The following COL16A1 variants were observed in gnomAD, a reference collection of about 807,000 sequenced individuals.
The protein encoded by COL16A1 is collagen type XVI alpha 1 chain.
Under a neutral mutation model 266.3 loss-of-function variants are expected in COL16A1, and 189 were observed. That is an observed-to-expected ratio of 0.71 (90% CI 0.63 to 0.80). COL16A1 has a LOEUF of 0.80. Ranked by LOEUF, COL16A1 falls within the 30% of genes least tolerant of loss-of-function variation. The pLI, the probability that COL16A1 is intolerant of heterozygous loss-of-function variation, is 0.00. For synonymous variants in COL16A1, 740 were observed against 782.3 expected, an observed-to-expected ratio of 0.95 and a Z score of 0.90; for missense variants, 1,928 against 2,122.4, an observed-to-expected ratio of 0.91 and a Z score of 1.80.
intron 61 of COL16A1, among the ~76,000 whole-genome samples, 173 bp from the exon 62 acceptor site, chr1:31,660,811 G>A (rs907801276): frequency 2.6e-5 from 4 of 152,256 alleles, no homozygotes; most frequent in Non-Finnish European, 4.4e-5. Flanking sequence ...TAGAGAAGGC[G>A]GATCCTCAGC....
chr1:31,671,710 C>A, intron 47 of COL16A1, 51 bp from the exon 48 acceptor site: 2 of 1,610,556 alleles, frequency 1.2e-6, no homozygotes, highest in Non-Finnish European at 1.7e-6. Context: ...CCCCATAGAG[C>A]CCCTGGGATT....
In COL16A1 at chr1:31,668,894, G is replaced by T; in HGVS notation, c.3196-39C>A. ...ATCATGAGAAACTGCAGGAGCCGGCGGTCCCCACCCAGCCCCTGACTCCTT... is the reference window on the plus strand; with the variant it reads ...ATCATGAGAAACTGCAGGAGCCGGCTGTCCCCACCCAGCCCCTGACTCCTT... On this transcript the variant is annotated intron_variant, in intron 49 of 70. Coordinates refer to ENST00000373672, the MANE Select transcript of COL16A1 (RefSeq NM_001856.4). This position sits in a 1 kb window ranked among gnomAD's most constrained non-coding sequence, Gnocchi z 5.8. 1 of 1,592,182 alleles carries T rather than the reference G, an allele frequency of 6.3e-7. No homozygotes were observed. Among genetic ancestry groups the T allele is most frequent in the Admixed American group, 1.7e-5 (1 of 59,040 alleles).
At chr1:31,673,171 G>C (rs543154813) in intron 44 of COL16A1, 1 of 393,222 alleles carries the variant, frequency 2.5e-6, no homozygotes, top group African/African-American at 2.1e-5. Flanking sequence ...CACCCACTGC[G>C]AGGACAAGCC....
At chr1:31,680,684 G>A (rs910096439) in intron 39 of COL16A1, among the ~76,000 whole-genome samples, 7 of 152,154 alleles carry the variant, frequency 4.6e-5, no homozygotes, top group African/African-American at 1.2e-4. Flanking sequence ...CTGGGGATAC[G>A]TGGAGCCCCT....
chr1:31,679,506 G>T, intron 42 of COL16A1, 126 bp downstream of exon 42: 9 of 1,613,884 alleles, frequency 5.6e-6, no homozygotes, highest in Non-Finnish European at 7.6e-6. Flanking sequence ...GTAAACAGAG[G>T]AGTGAGAAAT....
Position 31,691,059 on chromosome 1 carries a change from C to G in COL16A1, c.1437+129G>C, listed in dbSNP as rs1485439206. On this transcript the variant is annotated intron_variant, in intron 20 of 70. Transcript: ENST00000373672. ...AGGGGCCTGGCCAAGCCGAGCCCAG[C>G]CTCCTCCTCCAAAGGCCCGGCCTCC... 13 of 1,441,022 alleles carry G rather than the reference C, an allele frequency of 9.0e-6. No individual in the cohort carries two copies. In the Admixed American group the frequency reaches 2.9e-4, roughly 32 times the overall value. The allele number at this position is 1,441,022 out of a possible 1,614,324, so 89.3% of individuals were successfully genotyped here.
At chr1:31,684,782 A>T in intron 30 of COL16A1, 39 bp downstream of exon 30, 1 of 1,613,898 alleles carries the variant, frequency 6.2e-7, no homozygotes, top group Non-Finnish European at 8.5e-7. Context: ...ATCTGAGATG[A>T]TGCCATGCCC....
Position 31,685,329 on chromosome 1 carries a change from A to C in COL16A1, c.2016+310T>G, listed in dbSNP as rs367964895. On this transcript the variant is annotated intron_variant, in intron 29 of 70. Coordinates refer to ENST00000373672, the MANE Select transcript of COL16A1 (RefSeq NM_001856.4). This position sits in a 1 kb window ranked among gnomAD's most constrained non-coding sequence, Gnocchi z 4.0. Reference sequence around the variant, plus strand: ...TTACTAGGCTTTACTCTGTGCAGGAAACAGAGGTGGAGAGAAGGTGACTTG... The same window carrying C: ...TTACTAGGCTTTACTCTGTGCAGGACACAGAGGTGGAGAGAAGGTGACTTG... Among the ~76,000 whole-genome samples the C allele has an allele frequency of 2.0e-5, 3 of 152,230 alleles. No homozygotes were observed. The highest frequency in any genetic ancestry group is 7.2e-5 in the African/African-American group (3 of 41,454).
chr1:31,662,827 C>T (rs889531269), intron 56 of COL16A1, 169 bp from the exon 57 acceptor site: 14 of 655,988 alleles, frequency 2.1e-5, no homozygotes, highest in South Asian at 3.9e-5. Context: ...TGCCACACGT[C>T]GCCTCCCCAG....
Position 31,697,472 on chromosome 1 carries a change from G to T in COL16A1, c.658-172C>A, listed in dbSNP as rs1011357973. ...GTCACCAAAGGCAGAACAAAACTGCGCACACAGGAACGAGGGAGAGGAGGC... is the reference window on the plus strand; with the variant it reads ...GTCACCAAAGGCAGAACAAAACTGCTCACACAGGAACGAGGGAGAGGAGGC... On this transcript the variant is annotated intron_variant, in intron 6 of 70. Transcript: ENST00000373672. This position sits in a 1 kb window ranked among gnomAD's most constrained non-coding sequence, Gnocchi z 4.2. Among the ~76,000 whole-genome samples, 1 of 152,186 alleles carries T rather than the reference G, an allele frequency of 6.6e-6. No individual in the cohort carries two copies. Among genetic ancestry groups the T allele is most frequent in the Non-Finnish European group, 1.5e-5 (1 of 68,030 alleles).
At chr1:31,672,907 GC>G in intron 44 of COL16A1, 67 bp from the exon 45 acceptor site, 2 of 1,460,810 alleles carry the variant, frequency 1.4e-6, no homozygotes, top group East Asian at 2.4e-5. Flanking sequence ...CAACTGGGGA[GC>G]CCCAGTGAGA....
intron 12 of COL16A1, among the ~76,000 whole-genome samples, chr1:31,693,619 C>T (rs552014371): frequency 5.9e-5 from 9 of 152,302 alleles, no homozygotes; most frequent in South Asian, 2.1e-4. Flanking sequence ...ACGGTATTGA[C>T]GAGCACACAC....
At position 31,694,145 on chromosome 1, in the gene COL16A1, T is replaced by G; in HGVS notation, c.1007A>C (p.Lys336Thr). ...SNVTLAPSGP[K>T]GGKGERGLPG... ...GTCCCGTTCTCCATTAGGACTCACC[T>G]TGGGGCCAGAGGGAGCAAGTGTGAC... Residue 336 changes from lysine (K) to threonine (T), a missense_variant and splice_region_variant, in exon 12 of 71, where the codon AAG becomes ACG. Around this residue, in one of 2 missense-constraint regions of COL16A1, gnomAD observed 1,552 missense variants for 1,637.2 expected, o/e 0.95. Coordinates refer to ENST00000373672, the MANE Select transcript of COL16A1 (RefSeq NM_001856.4). 6.3e-7 allele frequency: 1 copy of G among 1,599,894 alleles called. No individual in the cohort carries two copies. The highest frequency in any genetic ancestry group is 8.5e-7 in the Non-Finnish European group (1 of 1,170,650).
intron 17 of COL16A1, 119 bp downstream of exon 17, chr1:31,691,886 C>G (rs1365944036): frequency 6.6e-7 from 1 of 1,516,934 alleles, no homozygotes; most frequent in East Asian, 2.3e-5. Context: ...CCTCCTGTGG[C>G]ACAGCCCCTC....
At position 31,678,367 on chromosome 1, in the gene COL16A1, A is replaced by G. The variant is rs59221388; in HGVS notation, c.2772+1265T>C. ...TCTATGCCACCTAGAACCTCTGGAAAACGTGGCTTGCTAGGCAAACCACTG... is the reference window on the plus strand; with the variant it reads ...TCTATGCCACCTAGAACCTCTGGAAGACGTGGCTTGCTAGGCAAACCACTG... On this transcript the variant is annotated intron_variant, in intron 42 of 70. Transcript: ENST00000373672. Among the ~76,000 whole-genome samples the G allele has an allele frequency of 5.4e-4, 83 of 152,320 alleles. 1 individual carries two copies. The highest frequency in any genetic ancestry group is 1.9e-3 in the African/African-American group (79 of 41,578).
intron 31 of COL16A1, 127 bp downstream of exon 31, chr1:31,684,396 C>A: frequency 6.7e-7 from 1 of 1,500,048 alleles, no homozygotes; most frequent in Non-Finnish European, 8.9e-7. Flanking sequence ...CCCCGAGGAG[C>A]CTCCGCTCAG....
Position 31,665,154 on chromosome 1 carries a change from A to G in COL16A1, c.3555+18T>C, listed in dbSNP as rs759917052. 4.4e-6 allele frequency: 7 copies of G among 1,603,866 alleles called. No individual in the cohort carries two copies. Among genetic ancestry groups the G allele is most frequent in the East Asian group, 2.2e-5 (1 of 44,696 alleles). ...ATGGCTCAGATCTGTGACTTTGCCA[A>G]CCCAGGGTCCTGCTCACCTTCTCTG... On this transcript the variant is annotated intron_variant, in intron 56 of 70. Coordinates refer to ENST00000373672, the MANE Select transcript of COL16A1 (RefSeq NM_001856.4).
At chr1:31,680,788 G>C (rs1643576181) in intron 39 of COL16A1, 117 bp downstream of exon 39, 3 of 1,580,682 alleles carry the variant, frequency 1.9e-6, no homozygotes, top group Non-Finnish European at 2.6e-6. Context: ...AGGCTCCCCT[G>C]GTTCATGGTG....
Position 31,657,010 on chromosome 1 carries a change from A to T in COL16A1, c.4056+23T>A, listed in dbSNP as rs199965875. On this transcript the variant is annotated intron_variant, in intron 65 of 70. Transcript: ENST00000373672. The surrounding 1 kb of genome is among the most constrained non-coding windows in gnomAD (Gnocchi z 6.4). ...GAGCAAGAAGCACCCCCAAGGAAACAGAGAAGACCAGTACAACTGTACCTC... is the reference window on the plus strand; with the variant it reads ...GAGCAAGAAGCACCCCCAAGGAAACTGAGAAGACCAGTACAACTGTACCTC... The T allele has an allele frequency of 3.7e-6, 6 of 1,614,144 alleles. No homozygotes were observed. The African/African-American group carries it at 6.7e-5, about 18-fold the overall frequency.
Sources: allele counts gnomAD v4.1 joint callset (sites outside exome capture counted in the v4.1 genomes callset), GRCh38; gene constraint gnomAD v4.1.1; regional missense constraint gnomAD v4.1.1; non-coding constraint Gnocchi (gnomAD v3.1); transcripts MANE v1.5; gene names NCBI Gene and HGNC (gene_info 2026-07-23, HGNC 2026-07-21).